The following PEAK1 variants were observed in gnomAD, a reference collection of about 807,000 sequenced individuals.
PEAK1 encodes the protein inactive tyrosine-protein kinase PEAK1.
A neutral mutation model predicts 124.7 loss-of-function variants in PEAK1; 54 were observed. The ratio of observed to expected loss-of-function variants is 0.43; its 90% CI spans 0.35 to 0.54. The LOEUF (loss-of-function observed/expected upper bound fraction) is 0.54. PEAK1 is among the 20% of genes least tolerant of loss of function. PEAK1 has a pLI of 0.01. For synonymous variants in PEAK1, 719 were observed against 760.0 expected (o/e 0.95, Z 0.89); for missense variants, 2,046 against 2,134.5 (o/e 0.96, Z 0.82).
chr15:77,177,039 C>A (rs2056923842), intron 7 of PEAK1, among the ~76,000 whole-genome samples: 1 of 152,060 alleles, frequency 6.6e-6, no homozygotes, highest in African/African-American at 2.4e-5. Context: ...CTCAGTGCAA[C>A]CTCCACCTCC....
chr15:77,301,111 T>G (rs1024203565), intron 2 of PEAK1, among the ~76,000 whole-genome samples: 3 of 152,138 alleles, frequency 2.0e-5, no homozygotes, highest in African/African-American at 7.2e-5. Flanking sequence ...TTATTTATTT[T>G]TATATGGTTC....
chr15:77,106,513 AC>A (rs1257151637), downstream of PEAK1: 8 of 152,168 alleles, frequency 5.3e-5, no homozygotes, highest in African/African-American at 1.9e-4. Flanking sequence ...ACAGGTGCCC[AC>A]CACCAAGCCC....
chr15:77,241,601 GAATT>G (rs1393357828), intron 6 of PEAK1, among the ~76,000 whole-genome samples: 1 of 151,720 alleles, frequency 6.6e-6, no homozygotes, highest in Non-Finnish European at 1.5e-5. Context: ...AAACTTCTTA[GAATT>G]AATACGTATT....
chr15:77,294,397 G>A (rs546947784), intron 2 of PEAK1, among the ~76,000 whole-genome samples: 46 of 152,194 alleles, frequency 3.0e-4, no homozygotes, highest in African/African-American at 8.4e-4. Flanking sequence ...TGACATCTAC[G>A]ATTATGAAAT....
intron 1 of PEAK1, among the ~76,000 whole-genome samples, chr15:77,398,492 T>C (rs2071087745): frequency 6.6e-6 from 1 of 152,128 alleles, no homozygotes; most frequent in Admixed American, 6.6e-5. Context: ...TACACCATAT[T>C]AACAGAATGA....
At chr15:77,293,969 G>A (rs1198773103) in intron 2 of PEAK1, among the ~76,000 whole-genome samples, 2 of 152,186 alleles carry the variant, frequency 1.3e-5, no homozygotes, top group African/African-American at 4.8e-5. Context: ...TTTTTGCTAA[G>A]TGTGTTGATT....
intron 2 of PEAK1, chr15:77,350,616 A>G (rs2067149638): frequency 4.1e-6 from 4 of 984,398 alleles, no homozygotes; most frequent in Non-Finnish European, 4.8e-6. Context: ...CAAGTAAAAA[A>G]AAAAAAAAAA....
intron 2 of PEAK1, among the ~76,000 whole-genome samples, chr15:77,316,572 T>C (rs1258753580): frequency 3.9e-5 from 6 of 152,166 alleles, no homozygotes; most frequent in Admixed American, 2.0e-4. Context: ...AATTGAGAAA[T>C]TAATCATCAT....
At chr15:77,345,811 C>A (rs2066840183) in intron 2 of PEAK1, 2 of 671,972 alleles carry the variant, frequency 3.0e-6, no homozygotes, top group East Asian at 1.4e-4. Flanking sequence ...CTGATTTGAT[C>A]TTTACACATT....
rs1203613021 is a variant in PEAK1 at position 77,133,619 on chromosome 15, G to C, written c.3463C>G (p.Leu1155Val). 2 of 1,614,062 alleles carry C rather than the reference G, an allele frequency of 1.2e-6. No individual in the cohort carries two copies. Among genetic ancestry groups the C allele is most frequent in the Non-Finnish European group, 1.7e-6 (2 of 1,180,034 alleles). Residue 1155 changes from leucine (L) to valine (V), a missense_variant, in exon 9 of 10, where the codon CTG (leucine) becomes GTG (valine). Coordinates refer to ENST00000682557, the MANE Select transcript of PEAK1 (RefSeq NM_001385026.1). The surrounding 1 kb of genome is among the most constrained non-coding windows in gnomAD (Gnocchi z 4.2). ...GCTCTTATGATCATCTTCTTTGGCAGTGGGGGTGGTGTAGGTTGGGAAGCA... is the reference window on the plus strand; with the variant it reads ...GCTCTTATGATCATCTTCTTTGGCACTGGGGGTGGTGTAGGTTGGGAAGCA... ...PNASQPTPPP[L>V]PKKMIIRANT...
intron 2 of PEAK1, among the ~76,000 whole-genome samples, chr15:77,358,216 T>C (rs956454114): frequency 6.6e-6 from 1 of 152,158 alleles, no homozygotes; most frequent in African/African-American, 2.4e-5. Context: ...CTTTTTCCCC[T>C]ACCTCTGTAT....
At chr15:77,190,765 T>C (rs1373142338) in intron 6 of PEAK1, among the ~76,000 whole-genome samples, 1 of 152,186 alleles carries the variant, frequency 6.6e-6, no homozygotes, top group Non-Finnish European at 1.5e-5. Flanking sequence ...GAATTTTCAA[T>C]ACCGTAGAAA....
At chr15:77,275,187 G>C (rs2062245437) in intron 5 of PEAK1, among the ~76,000 whole-genome samples, 1 of 152,066 alleles carries the variant, frequency 6.6e-6, no homozygotes. Flanking sequence ...GGAGGTGAGG[G>C]ATAAAAGACT....
At chr15:77,354,915 T>C (rs1343763239) in intron 2 of PEAK1, among the ~76,000 whole-genome samples, 4 of 151,968 alleles carry the variant, frequency 2.6e-5, no homozygotes, top group African/African-American at 9.7e-5. Context: ...GGTGGGCACC[T>C]GTAGTCCCAG....
chr15:77,201,916 C>A (rs2058382094), intron 6 of PEAK1, among the ~76,000 whole-genome samples: 1 of 152,170 alleles, frequency 6.6e-6, no homozygotes, highest in African/African-American at 2.4e-5. Context: ...GAATCTCCAA[C>A]CCTAACTGTG....
intron 1 of PEAK1, among the ~76,000 whole-genome samples, chr15:77,407,908 T>TACAC (rs2071975857): frequency 1.6e-5 from 2 of 122,792 alleles, no homozygotes; most frequent in Non-Finnish European, 3.8e-5. Context: ...TATACACATA[T>TACAC]ATATACACAT....
intron 6 of PEAK1, among the ~76,000 whole-genome samples, chr15:77,207,852 G>A (rs540117251): frequency 2.0e-5 from 3 of 152,112 alleles, no homozygotes; most frequent in East Asian, 1.9e-4. Flanking sequence ...GTTGATAAAG[G>A]GGTTCTAACA....
At chr15:77,206,244 C>T (rs71405300) in intron 6 of PEAK1, among the ~76,000 whole-genome samples, 7,058 of 136,732 alleles carry the variant, frequency 0.052, 201 homozygotes, top group Non-Finnish European at 0.074. Flanking sequence ...CATTTGGGTT[C>T]GTTCCAAGTC....
At chr15:77,128,196 A>G (rs1048890180) in intron 9 of PEAK1, among the ~76,000 whole-genome samples, 1 of 152,168 alleles carries the variant, frequency 6.6e-6, no homozygotes, top group Admixed American at 6.5e-5. Flanking sequence ...CCATCTCAGC[A>G]CAAGTCAGGG....
Sources: allele counts gnomAD v4.1 joint callset (sites outside exome capture counted in the v4.1 genomes callset), GRCh38; gene constraint gnomAD v4.1.1; non-coding constraint Gnocchi (gnomAD v3.1); transcripts MANE v1.5; gene names NCBI Gene and HGNC (gene_info 2026-07-23, HGNC 2026-07-21).